The following SEPTIN9 variants were observed in gnomAD, a reference collection of about 807,000 sequenced individuals.
The protein encoded by SEPTIN9 is septin 9, also known as septin-9.
SEPTIN9 carries 13 observed loss-of-function variants against 56.6 expected under a neutral mutation model. The ratio of observed to expected loss-of-function variants is 0.23; its 90% CI spans 0.15 to 0.37. SEPTIN9 has a LOEUF of 0.37. Ranked by LOEUF, SEPTIN9 falls within the 10% of genes least tolerant of loss-of-function variation. The pLI, the probability that SEPTIN9 is intolerant of heterozygous loss-of-function variation, is 1.00. For synonymous variants in SEPTIN9, 332 were observed against 334.1 expected, an observed-to-expected ratio of 0.99 and a Z score of 0.07; for missense variants, 650 against 823.1, an observed-to-expected ratio of 0.79 and a Z score of 2.57.
At position 77,371,576 on chromosome 17, in the gene SEPTIN9, T is replaced by C. The variant is rs532037627; in HGVS notation, c.77-30483T>C. 2.0e-5 allele frequency among the ~76,000 whole-genome samples: 3 copies of C among 152,350 alleles called. No individual in the cohort carries two copies. In the South Asian group the frequency reaches 6.2e-4, roughly 32 times the overall value. ...TTGTTGGGCTGAGTTTCTTAGGTAC[T>C]GGACCCCCAAATCCCCAAATACGGC... is the stretch of plus-strand genomic sequence containing the variant. On this transcript the variant is annotated intron_variant, in intron 2 of 11. Transcript: ENST00000427177. This position sits in a 1 kb window ranked among gnomAD's most constrained non-coding sequence, Gnocchi z 4.1.
At chr17:77,403,766 G>A (rs1036248800) in intron 3 of SEPTIN9, among the ~76,000 whole-genome samples, 9 of 152,190 alleles carry the variant, frequency 5.9e-5, no homozygotes, top group African/African-American at 1.7e-4. Context: ...ATTTCTAACC[G>A]TGGTGAAATA....
rs1443701419 is a variant in SEPTIN9, at chr17:77,451,671, A to G, written c.722-30473A>G. Reference sequence around the variant, plus strand: ...CCCTGGGCCCCGGCCCGAGGCCGGCAGGACCGAGCGGGGTCCCCAGGAGAG... The same window carrying G: ...CCCTGGGCCCCGGCCCGAGGCCGGCGGGACCGAGCGGGGTCCCCAGGAGAG... On this transcript the variant is annotated intron_variant, in intron 3 of 11. Transcript: ENST00000427177. This position sits in a 1 kb window ranked among gnomAD's most constrained non-coding sequence, Gnocchi z 4.2. The G allele has an allele frequency of 1.7e-6, 1 of 585,112 alleles. No individual in the cohort carries two copies. Among genetic ancestry groups the G allele is most frequent in the Non-Finnish European group, 2.2e-6 (1 of 464,036 alleles). The allele number at this position is 585,112 out of a possible 1,614,324, so 36.2% of individuals were successfully genotyped here.
At chr17:77,464,618 T>C (rs963429281) in intron 3 of SEPTIN9, among the ~76,000 whole-genome samples, 2 of 151,766 alleles carry the variant, frequency 1.3e-5, no homozygotes, top group African/African-American at 4.8e-5. Flanking sequence ...TTTTTTTTTT[T>C]GAGACGGAGT....
chr17:77,459,145 C>T (rs1179002792), intron 3 of SEPTIN9, among the ~76,000 whole-genome samples: 3 of 152,230 alleles, frequency 2.0e-5, no homozygotes, highest in Non-Finnish European at 4.4e-5. Context: ...CACCTGGCAC[C>T]CCTTGGTCTG....
chr17:77,456,760 G>A lies in SEPTIN9; in HGVS notation c.722-25384G>A, dbSNP rs1227166810. Among the ~76,000 whole-genome samples the A allele has an allele frequency of 3.3e-5, 5 of 152,092 alleles. No homozygotes were observed. In the East Asian group the frequency reaches 9.6e-4, roughly 29 times the overall value. On this transcript the variant is annotated intron_variant, in intron 3 of 11. Coordinates refer to ENST00000427177, the MANE Select transcript of SEPTIN9 (RefSeq NM_001113491.2). This position sits in a 1 kb window ranked among gnomAD's most constrained non-coding sequence, Gnocchi z 6.0. Reference sequence around the variant, plus strand: ...CAGGGACCAGCACCGGGTACCCACAGCCAGGGACGGGTCCCCATGGCCAGT... The same window carrying A: ...CAGGGACCAGCACCGGGTACCCACAACCAGGGACGGGTCCCCATGGCCAGT...
intron 11 of SEPTIN9, 104 bp downstream of exon 11, chr17:77,497,470 G>C: frequency 9.4e-7 from 1 of 1,068,112 alleles, no homozygotes; most frequent in South Asian, 1.3e-5. Flanking sequence ...GGCAGAGTGG[G>C]TGCCCCCTGC....
Position 77,490,809 on chromosome 17 carries a change from G to T in SEPTIN9, c.1330G>T (p.Ala444Ser). 6.3e-7 allele frequency: 1 copy of T among 1,595,450 alleles called. No individual in the cohort carries two copies. Among genetic ancestry groups the T allele is most frequent in the Non-Finnish European group, 8.5e-7 (1 of 1,170,860 alleles). The change falls in exon 8 of 12, where the codon GCC becomes TCC. Residue 444 changes from alanine to serine, a missense_variant. By Grantham distance (99) the Ala-to-Ser change is moderately conservative (BLOSUM62 1). Around this residue, in one of 2 missense-constraint regions of SEPTIN9, gnomAD observed 333 missense variants for 494.0 expected, o/e 0.67. Coordinates refer to ENST00000427177, the MANE Select transcript of SEPTIN9 (RefSeq NM_001113491.2). ...SKVVNIVPVI[A>S]KADTLTLEER... ...GGTGGTCAACATCGTCCCTGTCATC[G>T]CCAAGGCGGACACACTCACCCTGGA...
intron 2 of SEPTIN9, among the ~76,000 whole-genome samples, chr17:77,385,361 C>T (rs1243835011): frequency 6.6e-6 from 1 of 151,444 alleles, no homozygotes; most frequent in East Asian, 1.9e-4. Flanking sequence ...CATTCGGAGG[C>T]TGCTGGGGAC....
At chr17:77,285,699 A>T (rs1257286213) in intron 1 of SEPTIN9, among the ~76,000 whole-genome samples, 1 of 151,390 alleles carries the variant, frequency 6.6e-6, no homozygotes, top group African/African-American at 2.5e-5. Context: ...GTGCCCAGCC[A>T]CTCTGGAGTT....
At chr17:77,484,904 ATGG>A (rs140379545) in intron 4 of SEPTIN9, among the ~76,000 whole-genome samples, 27,321 of 53,886 alleles carry the variant, frequency 0.51, 6,863 homozygotes, top group African/African-American at 0.69. Context: ...GGTGGTGGTG[ATGG>A]TGATGATGGT....
intron 3 of SEPTIN9, among the ~76,000 whole-genome samples, chr17:77,406,595 G>A (rs2036083854): frequency 6.6e-6 from 1 of 151,904 alleles, no homozygotes; most frequent in Admixed American, 6.6e-5. Flanking sequence ...TTGCTGTATA[G>A]TCTTCAAAAT....
chr17:77,391,222 G>C (rs770228419), intron 2 of SEPTIN9, among the ~76,000 whole-genome samples: 3 of 152,138 alleles, frequency 2.0e-5, no homozygotes, highest in Admixed American at 2.0e-4. Flanking sequence ...TGAGGGAGTC[G>C]AATGGAATGG....
At chr17:77,301,511 G>A (rs1010551561) in intron 1 of SEPTIN9, among the ~76,000 whole-genome samples, 2 of 151,708 alleles carry the variant, frequency 1.3e-5, no homozygotes, top group African/African-American at 4.8e-5. Context: ...TGCAACCTCC[G>A]CCTCTCGGGC....
intron 2 of SEPTIN9, among the ~76,000 whole-genome samples, chr17:77,380,895 G>A (rs1323233523): frequency 6.6e-6 from 1 of 152,254 alleles, no homozygotes; most frequent in Non-Finnish European, 1.5e-5. Context: ...CTCTGAATGG[G>A]CAGTTCCTGG....
At chr17:77,430,304 A>G (rs2144274478) in intron 3 of SEPTIN9, among the ~76,000 whole-genome samples, 1 of 152,162 alleles carries the variant, frequency 6.6e-6, no homozygotes, top group South Asian at 2.1e-4. Context: ...AGCAGTTTTT[A>G]CAAATCTGTC....
chr17:77,498,711 C>A lies in SEPTIN9; in HGVS notation c.*53C>A. On this transcript the variant is annotated 3_prime_UTR_variant, in exon 12 of 12. Coordinates refer to ENST00000427177, the MANE Select transcript of SEPTIN9 (RefSeq NM_001113491.2). ...TGCCCCCAAGTCATTTCCGTCCCCC[C>A]CCAGGCCCTCCCACCACCCCATTTT... 1 of 1,108,842 alleles carries A rather than the reference C, an allele frequency of 9.0e-7. No individual in the cohort carries two copies. The highest frequency in any genetic ancestry group is 1.3e-6 in the Non-Finnish European group (1 of 748,608). The allele number at this position is 1,108,842 out of a possible 1,614,324, so 68.7% of individuals were successfully genotyped here.
intron 4 of SEPTIN9, chr17:77,482,745 C>A: frequency 1.7e-6 from 1 of 583,768 alleles, no homozygotes; most frequent in Non-Finnish European, 3.0e-6. Context: ...GGCTTCCCAG[C>A]AGCTCAGCTT....
rs909107295 is a variant in SEPTIN9, at chr17:77,405,337, T to G, written c.721+2634T>G. Among the ~76,000 whole-genome samples the G allele has an allele frequency of 6.6e-6, 1 of 151,848 alleles. No homozygotes were observed. The highest frequency in any genetic ancestry group is 2.4e-5 in the African/African-American group (1 of 41,288). ...AGTGTCCAGGGAGCTTCCCCAGCAG[T>G]GGAAGTACAATTTCATCAGGCCAGG... On this transcript the variant is annotated intron_variant, in intron 3 of 11. Transcript: ENST00000427177. This position sits in a 1 kb window ranked among gnomAD's most constrained non-coding sequence, Gnocchi z 5.8.
intron 3 of SEPTIN9, among the ~76,000 whole-genome samples, chr17:77,465,370 T>C (rs574860641): frequency 6.6e-6 from 1 of 152,316 alleles, no homozygotes; most frequent in East Asian, 1.9e-4. Flanking sequence ...GATCATGTGG[T>C]TTAGCCAACC....
Sources: gnomAD v4.1 joint callset for allele counts (sites outside exome capture counted in the v4.1 genomes callset) on GRCh38, gnomAD v4.1.1 for gene constraint, gnomAD v4.1.1 regional missense constraint, Gnocchi (gnomAD v3.1) non-coding constraint, MANE v1.5 for transcripts, NCBI Gene and HGNC (gene_info 2026-07-23, HGNC 2026-07-21) for gene names.